The following AGBL4 variants were observed in gnomAD, a reference collection of about 807,000 sequenced individuals.
AGBL4 encodes cytosolic carboxypeptidase 6.
AGBL4 carries 58 observed loss-of-function variants against 66.4 expected under a neutral mutation model. The ratio of observed to expected loss-of-function variants is 0.87; its 90% CI spans 0.71 to 1.09. The LOEUF is 1.09. AGBL4 is among the 50% of genes least tolerant of loss of function. The pLI is 0.00. For missense variants in AGBL4, 579 were observed against 631.0 expected, an observed-to-expected ratio of 0.92 and a Z score of 0.88; for synonymous variants, 234 against 222.9, an observed-to-expected ratio of 1.05 and a Z score of -0.44.
chr1:49,909,720 A>G (rs965138936), intron 1 of AGBL4, among the ~76,000 whole-genome samples: 6 of 152,220 alleles, frequency 3.9e-5, no homozygotes, highest in Non-Finnish European at 8.8e-5. Flanking sequence ...TACTACCTGA[A>G]AAACTAACTG....
At chr1:49,634,988 G>A (rs1446342644) in intron 3 of AGBL4, among the ~76,000 whole-genome samples, 2 of 152,212 alleles carry the variant, frequency 1.3e-5, no homozygotes, top group East Asian at 1.9e-4. Flanking sequence ...GTGAACTGAT[G>A]ATTGCCAATC....
At chr1:49,890,066 C>T (rs1648481478) in intron 1 of AGBL4, among the ~76,000 whole-genome samples, 1 of 152,132 alleles carries the variant, frequency 6.6e-6, no homozygotes, top group Non-Finnish European at 1.5e-5. Flanking sequence ...ACAAAAATAG[C>T]TACTACTTTT....
chr1:48,760,055 A>G (rs1008389564), intron 6 of AGBL4, among the ~76,000 whole-genome samples: 2 of 152,240 alleles, frequency 1.3e-5, no homozygotes. Context: ...ACATAGTGAG[A>G]TACAAACAGA....
intron 5 of AGBL4, among the ~76,000 whole-genome samples, chr1:48,987,038 A>G (rs1660230513): frequency 6.6e-6 from 1 of 151,964 alleles, no homozygotes; most frequent in African/African-American, 2.4e-5. Flanking sequence ...TAAACCAACA[A>G]AGGAAATAAA....
At chr1:49,707,150 AG>A (rs796816373) in intron 2 of AGBL4, among the ~76,000 whole-genome samples, 1 of 152,190 alleles carries the variant, frequency 6.6e-6, no homozygotes, top group African/African-American at 2.4e-5. Flanking sequence ...GGGGTGTTAA[AG>A]TCTCCCACTA....
At chr1:49,913,930 C>T (rs1436131069) in intron 1 of AGBL4, among the ~76,000 whole-genome samples, 2 of 152,162 alleles carry the variant, frequency 1.3e-5, no homozygotes, top group Non-Finnish European at 2.9e-5. Flanking sequence ...CCAGGCCCAT[C>T]CCTAAAAACA....
At chr1:49,145,865 C>T (rs1484523964) in intron 4 of AGBL4, among the ~76,000 whole-genome samples, 1 of 152,080 alleles carries the variant, frequency 6.6e-6, no homozygotes, top group Non-Finnish European at 1.5e-5. Flanking sequence ...AAATGTTCAT[C>T]AATACATGAA....
At chr1:49,703,471 T>C (rs1383057218) in intron 2 of AGBL4, among the ~76,000 whole-genome samples, 2 of 151,776 alleles carry the variant, frequency 1.3e-5, no homozygotes, top group South Asian at 4.1e-4. Context: ...AACCTTAAGA[T>C]TATTTCAGTA....
At chr1:49,687,224 A>T (rs1646803134) in intron 3 of AGBL4, among the ~76,000 whole-genome samples, 2 of 152,334 alleles carry the variant, frequency 1.3e-5, no homozygotes, top group South Asian at 4.1e-4. Context: ...GAAACCCTGG[A>T]CAAAACCACA....
At position 49,386,907 on chromosome 1, in the gene AGBL4, C is replaced by T. The variant is rs140711586; in HGVS notation, c.283-141043G>A. On this transcript the variant is annotated intron_variant, in intron 3 of 13. Coordinates refer to ENST00000371839, the MANE Select transcript of AGBL4 (RefSeq NM_032785.4). ...TTTTAAATCTCAGTTATCTTAACTACAAAATGAAGGTAATAATATCTATCT... is the reference window on the plus strand; with the variant it reads ...TTTTAAATCTCAGTTATCTTAACTATAAAATGAAGGTAATAATATCTATCT... 2.7e-3 allele frequency among the ~76,000 whole-genome samples: 410 copies of T among 151,644 alleles called. 2 individuals carry two copies. The highest frequency in any genetic ancestry group is 4.7e-3 in the Admixed American group (71 of 15,240).
intron 2 of AGBL4, among the ~76,000 whole-genome samples, chr1:49,823,813 TAC>T: frequency 1.3e-5 from 2 of 151,352 alleles, no homozygotes; most frequent in East Asian, 3.9e-4. Context: ...TGTGTGTACA[TAC>T]ACACACAGAA....
At chr1:48,655,494 G>C (rs920324178) in intron 7 of AGBL4, among the ~76,000 whole-genome samples, 2 of 152,166 alleles carry the variant, frequency 1.3e-5, no homozygotes, top group Admixed American at 1.3e-4. Context: ...TCTTAACTGA[G>C]TGTTAGCTAC....
intron 1 of AGBL4, among the ~76,000 whole-genome samples, chr1:50,014,559 GGA>G (rs1270457623): frequency 7.4e-5 from 2 of 27,090 alleles, no homozygotes; most frequent in Admixed American, 7.2e-4. Flanking sequence ...TTTTTTTTTT[GGA>G]GAGAGTCTTG....
At chr1:49,681,344 G>A (rs1243700568) in intron 3 of AGBL4, among the ~76,000 whole-genome samples, 5 of 152,098 alleles carry the variant, frequency 3.3e-5, no homozygotes, top group Non-Finnish European at 5.9e-5. Context: ...TGTTTTAGCA[G>A]TGTTCTTTTA....
intron 2 of AGBL4, among the ~76,000 whole-genome samples, chr1:49,846,761 G>A (rs967035062): frequency 5.3e-5 from 8 of 151,928 alleles, no homozygotes; most frequent in African/African-American, 1.7e-4. Context: ...TGCAAAACAC[G>A]GATGAAAAAA....
chr1:49,753,773 A>G (rs1412274424), intron 2 of AGBL4, among the ~76,000 whole-genome samples: 1 of 152,000 alleles, frequency 6.6e-6, no homozygotes, highest in Non-Finnish European at 1.5e-5. Context: ...ATTCCTTTTC[A>G]TTCTTTTTTC....
chr1:48,857,281 T>C (rs1570846458), intron 6 of AGBL4, among the ~76,000 whole-genome samples: 1 of 152,222 alleles, frequency 6.6e-6, no homozygotes, highest in Non-Finnish European at 1.5e-5. Context: ...GATAGAATAG[T>C]CTTCTCAACA....
At chr1:49,170,227 G>GTTATAAATTTATATTCACATAAATATA (rs1646710650) in intron 4 of AGBL4, among the ~76,000 whole-genome samples, 1 of 142,126 alleles carries the variant, frequency 7.0e-6, no homozygotes, top group African/African-American at 2.6e-5. Context: ...ATATAAATAT[G>GTTATAAATTTATATTCACATAAATATA]TTATAAATTT....
chr1:49,986,254 C>T (rs992945516), intron 1 of AGBL4, among the ~76,000 whole-genome samples: 5 of 152,046 alleles, frequency 3.3e-5, no homozygotes, highest in Non-Finnish European at 7.4e-5. Context: ...CAAAAGTAAA[C>T]CCTGTTCTGA....
Sources: allele counts gnomAD v4.1 joint callset (sites outside exome capture counted in the v4.1 genomes callset), GRCh38; gene constraint gnomAD v4.1.1; transcripts MANE v1.5; gene names NCBI Gene and HGNC (gene_info 2026-07-23, HGNC 2026-07-21).